The following PTH2R variants were observed in gnomAD, a reference collection of about 807,000 sequenced individuals.
PTH2R encodes the protein PTH2 receptor.
A neutral mutation model predicts 60.3 loss-of-function variants in PTH2R; 59 were observed. The ratio of observed to expected loss-of-function variants is 0.98; its 90% CI spans 0.79 to 1.22. The LOEUF is 1.22. Among genes scored for constraint, PTH2R ranks in the 50% most tolerant of loss-of-function variants. PTH2R has a pLI of 0.00. For missense variants in PTH2R, 749 were observed against 682.6 expected, an observed-to-expected ratio of 1.10 and a Z score of -1.08; for synonymous variants, 256 against 243.8, an observed-to-expected ratio of 1.05 and a Z score of -0.47.
intron 10 of PTH2R, among the ~76,000 whole-genome samples, chr2:208,487,088 T>C (rs1451285946): frequency 1.3e-5 from 2 of 152,204 alleles, no homozygotes; most frequent in Non-Finnish European, 2.9e-5. Flanking sequence ...GATTTCAACA[T>C]GATTTTATGG....
exon 1 of PTH2R, chr2:208,359,777 C>CT (rs907903996): frequency 1.3e-5 from 2 of 156,256 alleles, no homozygotes; most frequent in African/African-American, 4.8e-5. Flanking sequence ...GAACTCACAC[C>CT]TGTGGGCAGG....
chr2:208,409,381 T>C (rs1480612185), intron 1 of PTH2R, among the ~76,000 whole-genome samples: 4 of 152,312 alleles, frequency 2.6e-5, no homozygotes, highest in African/African-American at 9.6e-5. Flanking sequence ...TGGAGTATAA[T>C]AGAGACTAAA....
intron 5 of PTH2R, among the ~76,000 whole-genome samples, 182 bp downstream of exon 5, chr2:208,442,643 A>G (rs1400321722): frequency 1.3e-5 from 2 of 152,236 alleles, no homozygotes; most frequent in Non-Finnish European, 2.9e-5. Flanking sequence ...TTCTTTGTTT[A>G]AAAACTTAAA....
chr2:208,396,093 A>G (rs1466230843), intron 1 of PTH2R, among the ~76,000 whole-genome samples: 3 of 152,236 alleles, frequency 2.0e-5, no homozygotes, highest in African/African-American at 7.2e-5. Context: ...GGTGCTGGGA[A>G]AACTGGCTGG....
At chr2:208,477,912 A>G (rs1481338208) in intron 9 of PTH2R, among the ~76,000 whole-genome samples, 1 of 148,008 alleles carries the variant, frequency 6.8e-6, no homozygotes, top group African/African-American at 2.5e-5. Context: ...TACTAGTACT[A>G]GCACTACTAC....
At position 208,434,238 on chromosome 2, in the gene PTH2R, G is replaced by A. The variant is rs558796873; in HGVS notation, c.179-3299G>A. Reference sequence around the variant, plus strand: ...ATGAACAGGAAAACTGCTTGAACTCGGGAGGCGGAGGTTGCAGTGAGCTGA... The same window carrying A: ...ATGAACAGGAAAACTGCTTGAACTCAGGAGGCGGAGGTTGCAGTGAGCTGA... On this transcript the variant is annotated intron_variant, in intron 2 of 12. Coordinates refer to ENST00000272847, the MANE Select transcript of PTH2R (RefSeq NM_005048.4). Among the ~76,000 whole-genome samples, 34 of 152,094 alleles carry A rather than the reference G, an allele frequency of 2.2e-4. No homozygotes were observed. The Middle Eastern group carries it at 0.01, about 46-fold the overall frequency.
Position 208,451,657 on chromosome 2 carries a change from G to T in PTH2R, c.914+848G>T, listed in dbSNP as rs1250318169. Among the ~76,000 whole-genome samples the T allele has an allele frequency of 2.0e-5, 3 of 151,928 alleles. No homozygotes were observed. In the East Asian group the frequency reaches 5.8e-4, roughly 29 times the overall value. ...ACTGTGGGTTTCATGCATCCCATTT[G>T]TTACCATATCTTCTATAGCAGAATT... On this transcript the variant is annotated intron_variant, in intron 8 of 12. Transcript: ENST00000272847.
chr2:208,484,938 G>A (rs1286611435), intron 10 of PTH2R, among the ~76,000 whole-genome samples: 1 of 152,180 alleles, frequency 6.6e-6, no homozygotes, highest in Non-Finnish European at 1.5e-5. Flanking sequence ...ATGGCCAGTA[G>A]TGTCATGCTG....
In PTH2R at chr2:208,369,366, C is replaced by CTTTTTT. The variant is rs34110985; in HGVS notation, c.-259+9130_-259+9131insTTTTTT. On this transcript the variant is annotated intron_variant, in intron 1 of 12. Transcript: ENST00000617735. Reference sequence around the variant, plus strand: ...TTGTCTGTAAACAACACTGGTCTCTCTCTCTTTTTTTTTTTTTTTAGAAGG... The same window carrying CTTTTTT: ...TTGTCTGTAAACAACACTGGTCTCTCTTTTTTTCTCTTTTTTTTTTTTTTTAGAAGG... 1.7e-3 allele frequency among the ~76,000 whole-genome samples: 231 copies of CTTTTTT among 135,040 alleles called. 24 individuals carry two copies. The highest frequency in any genetic ancestry group is 5.4e-3 in the African/African-American group (188 of 34,862). 88.6% of individuals were successfully genotyped at this position (135,040 alleles called of 152,430 possible).
rs2125883252 is a variant in PTH2R at position 208,392,321 on chromosome 2, AGG to A, written c.-259+32085_-259+32086del. The stretch of plus-strand genomic sequence containing the variant: ...GCAGGGGCTATTACAGGGTTTGAGG[AGG>A]CCTCTAATCTTTAGGTTATTAATAA... On this transcript the variant is annotated intron_variant, in intron 1 of 12. Transcript: ENST00000617735. Among the ~76,000 whole-genome samples the A allele has an allele frequency of 3.3e-5, 5 of 152,220 alleles. 1 individual carries two copies. Among genetic ancestry groups the A allele is most frequent in the African/African-American group, 1.2e-4 (5 of 41,530 alleles).
chr2:208,408,722 A>G (rs10208308), intron 1 of PTH2R, among the ~76,000 whole-genome samples: 4 of 121,390 alleles, frequency 3.3e-5, no homozygotes, highest in African/African-American at 7.5e-5. Context: ...GAAGAAAGGA[A>G]AGAGAGAGAG....
intron 2 of PTH2R, among the ~76,000 whole-genome samples, chr2:208,436,843 G>C (rs1452359952): frequency 6.6e-6 from 1 of 151,970 alleles, no homozygotes; most frequent in Non-Finnish European, 1.5e-5. Context: ...ACAAAAAAAA[G>C]GGACAGAGAG....
chr2:208,493,023 G>T (rs1703440638), intron 12 of PTH2R, among the ~76,000 whole-genome samples: 1 of 152,158 alleles, frequency 6.6e-6, no homozygotes, highest in African/African-American at 2.4e-5. Context: ...TCTGTTTAAA[G>T]TCTGATCTTG....
chr2:208,493,435 A>T lies in PTH2R; in HGVS notation c.1429A>T (p.Lys477Ter), dbSNP rs768017626. The change falls in exon 13 of 13, where the codon AAA becomes TAA. Residue 477 changes from lysine to a stop codon, truncating the protein, a stop_gained. Coordinates refer to ENST00000272847, the MANE Select transcript of PTH2R (RefSeq NM_005048.4). LOFTEE classifies it low-confidence loss of function (END_TRUNC). ...CACACGCATGGTGCTTATCTCTGGC[A>T]AAGCTGCCAAGATCGCCAGCAGACA... is the stretch of plus-strand genomic sequence containing the variant. ...ASTRMVLISG[K>*]AAKIASRQPD... 1.2e-5 allele frequency: 19 copies of T among 1,610,130 alleles called. No individual in the cohort carries two copies. The highest frequency in any genetic ancestry group is 2.5e-6 in the Non-Finnish European group (3 of 1,177,590).
At position 208,428,282 on chromosome 2, in the gene PTH2R, A is replaced by G. The variant is rs1201302353; in HGVS notation, c.157A>G (p.Thr53Ala). The change falls in exon 2 of 13, where the codon ACA becomes GCA. Residue 53 changes from threonine (T) to alanine (A), a missense_variant. By Grantham distance (58) the Thr-to-Ala change is moderately conservative. Coordinates refer to ENST00000272847, the MANE Select transcript of PTH2R (RefSeq NM_005048.4). Reference sequence around the variant, plus strand: ...GAAAGTACAATGTGAACTCAACATCACAGCTCAACTCCAGGAGGGAGGTAA... The same window carrying G: ...GAAAGTACAATGTGAACTCAACATCGCAGCTCAACTCCAGGAGGGAGGTAA... ...KAKVQCELNI[T>A]AQLQEGEGNC... 6.2e-7 allele frequency: 1 copy of G among 1,612,750 alleles called. No individual in the cohort carries two copies. Among genetic ancestry groups the G allele is most frequent in the Admixed American group, 1.7e-5 (1 of 59,912 alleles).
At chr2:208,392,858 G>A (rs1458193557) in intron 1 of PTH2R, among the ~76,000 whole-genome samples, 3 of 152,176 alleles carry the variant, frequency 2.0e-5, no homozygotes, top group Admixed American at 1.3e-4. Context: ...GGGGGTTTGA[G>A]CCCCGGGACC....
chr2:208,468,387 AC>A lies in PTH2R; in HGVS notation c.981+8429del, dbSNP rs554992222. Among the ~76,000 whole-genome samples, 57 of 152,312 alleles carry A rather than the reference AC, an allele frequency of 3.7e-4. 1 individual carries two copies. The highest frequency in any genetic ancestry group is 3.5e-3 in the Admixed American group (53 of 15,302). ...CTAAATAAGGAAACTGCCCAAGAAT[AC>A]CCAATATTAAGTGATGGAGCCGGGT... On this transcript the variant is annotated intron_variant, in intron 9 of 12. Transcript: ENST00000272847.
intron 1 of PTH2R, among the ~76,000 whole-genome samples, chr2:208,401,492 G>A (rs1237327194): frequency 2.6e-5 from 4 of 151,176 alleles, no homozygotes; most frequent in African/African-American, 4.9e-5. Context: ...AAACCGCTCA[G>A]TGATCAGGTC....
intron 8 of PTH2R, among the ~76,000 whole-genome samples, chr2:208,453,728 G>A (rs930746815): frequency 1.3e-5 from 2 of 152,132 alleles, no homozygotes; most frequent in Non-Finnish European, 2.9e-5. Context: ...ATGACTTGCA[G>A]CAGTCATTCT....
Sources: allele counts gnomAD v4.1 joint callset (sites outside exome capture counted in the v4.1 genomes callset), GRCh38; gene constraint gnomAD v4.1.1; transcripts MANE v1.5; gene names NCBI Gene and HGNC (gene_info 2026-07-23, HGNC 2026-07-21).